DNAH12: variants seen among roughly 807,000 people sequenced by gnomAD.
DNAH12 encodes the protein dynein axonemal heavy chain 12.
Under a neutral mutation model 371.5 loss-of-function variants are expected in DNAH12, and 285 were observed. The observed-to-expected ratio is 0.77, with a 90% CI of 0.70 to 0.85. The LOEUF is 0.85. Among genes scored for constraint, DNAH12 ranks in the 40% least tolerant of loss-of-function variants. The pLI is 0.00. For missense variants in DNAH12, 3,611 were observed against 3,689.4 expected, an observed-to-expected ratio of 0.98 and a Z score of 0.55; for synonymous variants, 1,200 against 1,213.0, an observed-to-expected ratio of 0.99 and a Z score of 0.22.
intron 4 of DNAH12, among the ~76,000 whole-genome samples, chr3:57,522,576 A>T (rs531641070): frequency 2.0e-5 from 3 of 152,280 alleles, no homozygotes; most frequent in Admixed American, 2.0e-4. Flanking sequence ...AAACCAAAAC[A>T]AGGAAAAGCT....
At chr3:57,449,616 G>A (rs572979604) in intron 25 of DNAH12, among the ~76,000 whole-genome samples, 36 of 152,346 alleles carry the variant, frequency 2.4e-4, no homozygotes, top group Admixed American at 1.6e-3. Flanking sequence ...GCCCGGGGCC[G>A]GCAGGGCTGG....
chr3:57,401,563 C>CAAAAAA (rs71294714), intron 43 of DNAH12, among the ~76,000 whole-genome samples: 6 of 67,970 alleles, frequency 8.8e-5, no homozygotes, highest in Admixed American at 3.5e-4. Context: ...GACTCCATCT[C>CAAAAAA]AAAAAAAAAA....
chr3:57,324,819 A>T (rs1376451521), intron 62 of DNAH12, among the ~76,000 whole-genome samples: 3 of 152,318 alleles, frequency 2.0e-5, no homozygotes, highest in African/African-American at 7.2e-5. Context: ...TTTCCTAGTC[A>T]AAGAAAGGGG....
chr3:57,301,609 T>G lies in DNAH12; in HGVS notation c.11394+126A>C. ...GTGACCACAGCCAACAACTAATATCTCCCCAGTTAACCCAAAAAATAAAAT... is the reference window on the plus strand; with the variant it reads ...GTGACCACAGCCAACAACTAATATCGCCCCAGTTAACCCAAAAAATAAAAT... On this transcript the variant is annotated intron_variant, in intron 70 of 73. Coordinates refer to ENST00000495027, the MANE Select transcript of DNAH12 (RefSeq NM_001366028.2). The G allele has an allele frequency of 5.4e-6, 6 of 1,116,020 alleles. No individual in the cohort carries two copies. In the South Asian group the frequency reaches 8.1e-5, roughly 15 times the overall value. 69.1% of individuals were successfully genotyped at this position (1,116,020 alleles called of 1,614,324 possible).
chr3:57,404,791 G>A (rs2063975495), intron 42 of DNAH12, among the ~76,000 whole-genome samples, 178 bp downstream of exon 42: 1 of 152,164 alleles, frequency 6.6e-6, no homozygotes, highest in South Asian at 2.1e-4. Context: ...GATGCAGTGA[G>A]ACAGGGTGAC....
rs2068340702 is a variant in DNAH12, at chr3:57,519,771, AC to A, written c.279+3811del. 5 of 1,590,420 alleles carry A rather than the reference AC, an allele frequency of 3.1e-6. No homozygotes were observed. The South Asian group carries it at 5.5e-5, about 18-fold the overall frequency. On this transcript the variant is annotated intron_variant, in intron 4 of 73. Transcript: ENST00000495027. ...TGCAGCAGTTGCGGAAGGAATGATTACATTCTCCCAAGACCACAACACAGTC... is the reference window on the plus strand; with the variant it reads ...TGCAGCAGTTGCGGAAGGAATGATTAATTCTCCCAAGACCACAACACAGTC...
intron 59 of DNAH12, among the ~76,000 whole-genome samples, 159 bp from the exon 60 acceptor site, chr3:57,352,384 A>G (rs774272812): frequency 6.6e-6 from 1 of 152,168 alleles, no homozygotes; most frequent in Non-Finnish European, 1.5e-5. Context: ...AATCTGAATA[A>G]GCTCTATGGG....
rs1408679740 is a variant in DNAH12, at chr3:57,330,367, A to G, written c.9978+4098T>C. 5.9e-5 allele frequency among the ~76,000 whole-genome samples: 9 copies of G among 152,012 alleles called. No individual in the cohort carries two copies. In the South Asian group the frequency reaches 6.3e-4, roughly 11 times the overall value. ...AGAAAATGTGGCACATATACACCAT[A>G]GAATACTATGCAGCCATAAAAAAGG... On this transcript the variant is annotated intron_variant, in intron 62 of 73. Transcript: ENST00000495027.
At chr3:57,484,283 T>C (rs936992984) in intron 12 of DNAH12, among the ~76,000 whole-genome samples, 3 of 152,168 alleles carry the variant, frequency 2.0e-5, no homozygotes, top group Non-Finnish European at 2.9e-5. Context: ...CAAACTCTTA[T>C]ACATAGTTTC....
chr3:57,396,430 C>T (rs2153349267), intron 43 of DNAH12, among the ~76,000 whole-genome samples: 2 of 150,118 alleles, frequency 1.3e-5, no homozygotes, highest in South Asian at 4.3e-4. Flanking sequence ...CAGAGTCTTG[C>T]TCTGTTGACT....
In DNAH12 at chr3:57,479,597, C is replaced by T. The variant is rs1003703003; in HGVS notation, c.1650+3779G>A. On this transcript the variant is annotated intron_variant, in intron 13 of 73. Coordinates refer to ENST00000495027, the MANE Select transcript of DNAH12 (RefSeq NM_001366028.2). ...TAATAGGCATCTACAGAACTCTCCA[C>T]CCCAAATCAACAGAATATACATTCT... Among the ~76,000 whole-genome samples the T allele has an allele frequency of 4.6e-5, 7 of 152,298 alleles. No homozygotes were observed. In the South Asian group the frequency reaches 1.2e-3, roughly 27 times the overall value.
At chr3:57,329,696 G>A (rs1308151620) in intron 62 of DNAH12, among the ~76,000 whole-genome samples, 1 of 149,708 alleles carries the variant, frequency 6.7e-6, no homozygotes, top group Non-Finnish European at 1.5e-5. Flanking sequence ...GGCAACAAAA[G>A]CCAAAATTGA....
intron 69 of DNAH12, among the ~76,000 whole-genome samples, chr3:57,306,736 C>T (rs2061479997): frequency 6.6e-6 from 1 of 152,138 alleles, no homozygotes. Flanking sequence ...CACAGCATGG[C>T]CTTTTAAAGC....
In DNAH12 at chr3:57,453,154, A is replaced by C. The variant is rs2065805406; in HGVS notation, c.3613+93T>G. 3 of 1,468,086 alleles carry C rather than the reference A, an allele frequency of 2.0e-6. No individual in the cohort carries two copies. In the South Asian group the frequency reaches 4.3e-5, roughly 21 times the overall value. 90.9% of individuals were successfully genotyped at this position (1,468,086 alleles called of 1,614,324 possible). A position where few individuals can be genotyped will look rare whatever the true frequency, so the allele number is the denominator to read the frequency against. On this transcript the variant is annotated intron_variant, in intron 24 of 73. Coordinates refer to ENST00000495027, the MANE Select transcript of DNAH12 (RefSeq NM_001366028.2). Reference sequence around the variant, plus strand: ...TTATAAAAAAGATTGTGTTAAAAAAATTCTGTTGAGAGAAGAATACATATA... The same window carrying C: ...TTATAAAAAAGATTGTGTTAAAAAACTTCTGTTGAGAGAAGAATACATATA...
intron 62 of DNAH12, among the ~76,000 whole-genome samples, chr3:57,324,577 C>A (rs906828541): frequency 6.6e-6 from 1 of 152,116 alleles, no homozygotes; most frequent in East Asian, 1.9e-4. Flanking sequence ...AAGAAAAAAG[C>A]CTGGGGGGAG....
At position 57,523,868 on chromosome 3, in the gene DNAH12, T is replaced by G; in HGVS notation, c.187A>C (p.Arg63=). ...INQLVIDGAK[R]NLDRTLGKRT... is the part of the protein sequence containing the mutation. Reference sequence around the variant, plus strand: ...TTACCCAGTGTTCTGTCTAAATTTCTTTTGGCTCCATCAATTCTGAAATTT... The same window carrying G: ...TTACCCAGTGTTCTGTCTAAATTTCGTTTGGCTCCATCAATTCTGAAATTT... Residue 63 remains arginine (R), a synonymous_variant, in exon 3 of 74, where the codon AGA becomes CGA. Transcript: ENST00000495027. 5 of 1,601,596 alleles carry G rather than the reference T, an allele frequency of 3.1e-6. No homozygotes were observed. The highest frequency in any genetic ancestry group is 4.3e-6 in the Non-Finnish European group (5 of 1,174,596).
At chr3:57,554,536 C>G in the DNAH12 span, among the ~76,000 whole-genome samples, 36 of 152,258 alleles carry the variant, frequency 2.4e-4, no homozygotes, top group Admixed American at 1.4e-3. Flanking sequence ...ATCTGCTACT[C>G]TCCCCTGGTC....
chr3:57,404,338 C>T (rs2063959571), intron 42 of DNAH12, among the ~76,000 whole-genome samples: 1 of 152,048 alleles, frequency 6.6e-6, no homozygotes, highest in East Asian at 1.9e-4. Flanking sequence ...CAGTATTATA[C>T]CATTTATATG....
At chr3:57,548,072 C>T (rs1336386448), upstream of DNAH12, among the ~76,000 whole-genome samples, 1 of 152,102 alleles carries the variant, frequency 6.6e-6, no homozygotes, top group Non-Finnish European at 1.5e-5. Flanking sequence ...TAAGAGTTTA[C>T]AACAATGATG....
Sources: gnomAD v4.1 joint callset for allele counts (sites outside exome capture counted in the v4.1 genomes callset) on GRCh38, gnomAD v4.1.1 for gene constraint, MANE v1.5 for transcripts, NCBI Gene and HGNC (gene_info 2026-07-23, HGNC 2026-07-21) for gene names.